GABRR2: variants seen among roughly 807,000 people sequenced by gnomAD.
GABRR2 encodes the protein gamma-aminobutyric acid type A receptor subunit rho2.
A neutral mutation model predicts 47.0 loss-of-function variants in GABRR2; 36 were observed. The observed-to-expected ratio is 0.77, with a 90% CI of 0.59 to 1.01. The LOEUF (loss-of-function observed/expected upper bound fraction) is 1.01. GABRR2 is among the 50% of genes least tolerant of loss of function. GABRR2 has a pLI of 0.00. For synonymous variants in GABRR2, 204 were observed against 227.5 expected (o/e 0.90, Z 0.93); for missense variants, 587 against 594.6 (o/e 0.99, Z 0.13).
intron 6 of GABRR2, 89 bp from the exon 7 acceptor site, chr6:89,265,854 C>T (rs1773883772): frequency 8.5e-6 from 11 of 1,296,478 alleles, no homozygotes; most frequent in African/African-American, 1.5e-5. Flanking sequence ...ACTGACTTGG[C>T]TCTCCTCAGC....
rs550159187 is a variant in GABRR2 at position 89,268,703 on chromosome 6, T to A, written c.512+308A>T. Reference sequence around the variant, plus strand: ...TCTATTTTTTTAAAAGCTTTTTTTTTAATCTTTATTATCAATCAACTAGAA... The same window carrying A: ...TCTATTTTTTTAAAAGCTTTTTTTTAAATCTTTATTATCAATCAACTAGAA... On this transcript the variant is annotated intron_variant, in intron 4 of 8. Coordinates refer to ENST00000402938, the MANE Select transcript of GABRR2 (RefSeq NM_002043.5). 3.4e-4 allele frequency among the ~76,000 whole-genome samples: 51 copies of A among 152,170 alleles called. No homozygotes were observed. The East Asian group carries it at 6.4e-3, about 19-fold the overall frequency.
intron 2 of GABRR2, among the ~76,000 whole-genome samples, chr6:89,294,398 G>C (rs144640500): frequency 0.055 from 8,332 of 152,042 alleles, 735 homozygotes; most frequent in African/African-American, 0.19. Flanking sequence ...CACCCACCTT[G>C]ACCTCCCAAA....
intron 3 of GABRR2, chr6:89,269,500 C>T (rs749372252): frequency 1.4e-5 from 7 of 504,156 alleles, no homozygotes; most frequent in Non-Finnish European, 2.2e-5. Context: ...ATGCTCGCAG[C>T]CTGGCCTGGT....
intron 1 of GABRR2, among the ~76,000 whole-genome samples, chr6:89,307,644 T>A (rs1027848601): frequency 2.0e-5 from 3 of 152,200 alleles, no homozygotes; most frequent in African/African-American, 7.2e-5. Context: ...TAGTAGCAAG[T>A]GAGAAACTGC....
chr6:89,300,596 C>T, intron 1 of GABRR2, among the ~76,000 whole-genome samples: 1 of 151,942 alleles, frequency 6.6e-6, no homozygotes, highest in Non-Finnish European at 1.5e-5. Context: ...TCTGTGTACA[C>T]AAACTAGAAA....
At position 89,257,667 on chromosome 6, in the gene GABRR2, C is replaced by G. The variant is rs894852881; in HGVS notation, c.*3G>C. 2.5e-6 allele frequency: 4 copies of G among 1,606,516 alleles called. No homozygotes were observed. The Admixed American group carries it at 5.1e-5, about 20-fold the overall frequency. Reference sequence around the variant, plus strand: ...CCCTCTTCTAGGAACAGCCTTGGAGCCCCTAGGAAAACACTGACCAATAAA... The same window carrying G: ...CCCTCTTCTAGGAACAGCCTTGGAGGCCCTAGGAAAACACTGACCAATAAA... On this transcript the variant is annotated 3_prime_UTR_variant, in exon 9 of 9. Coordinates refer to ENST00000402938, the MANE Select transcript of GABRR2 (RefSeq NM_002043.5).
intron 2 of GABRR2, among the ~76,000 whole-genome samples, chr6:89,273,788 T>C (rs1582446025): frequency 1.3e-5 from 2 of 152,158 alleles, no homozygotes; most frequent in Admixed American, 1.3e-4. Flanking sequence ...GTCTGAGGTG[T>C]TAAAATGGCC....
intron 1 of GABRR2, among the ~76,000 whole-genome samples, chr6:89,300,158 G>T (rs1774641679): frequency 6.6e-6 from 1 of 152,132 alleles, no homozygotes; most frequent in Admixed American, 6.5e-5. Context: ...GGTTGGATTG[G>T]CTGCTAGCTA....
At chr6:89,263,608 T>C (rs56176928) in intron 8 of GABRR2, among the ~76,000 whole-genome samples, 18,630 of 152,232 alleles carry the variant, frequency 0.12, 1,209 homozygotes, top group Middle Eastern at 0.14. Context: ...CTGTAACCTC[T>C]GCCTCCCGGG....
chr6:89,288,383 G>A (rs1472476889), intron 2 of GABRR2, among the ~76,000 whole-genome samples: 10 of 152,162 alleles, frequency 6.6e-5, no homozygotes, highest in Non-Finnish European at 4.4e-5. Context: ...ATGCCAGGAT[G>A]CCTGAGGAGC....
chr6:89,306,890 G>C (rs1372383735), intron 1 of GABRR2, among the ~76,000 whole-genome samples: 2 of 151,732 alleles, frequency 1.3e-5, no homozygotes, highest in African/African-American at 4.8e-5. Context: ...ACACAGCCAG[G>C]CTAATCCACA....
At chr6:89,313,238 G>T (rs1250885193) in intron 1 of GABRR2, among the ~76,000 whole-genome samples, 2 of 152,178 alleles carry the variant, frequency 1.3e-5, no homozygotes, top group African/African-American at 4.8e-5. Context: ...CATGGAGTAG[G>T]AATCCCACAA....
chr6:89,268,031 G>C lies in GABRR2; in HGVS notation c.578C>G (p.Ser193Cys). 1 of 1,611,890 alleles carries C rather than the reference G, an allele frequency of 6.2e-7. No homozygotes were observed. The highest frequency in any genetic ancestry group is 8.5e-7 in the Non-Finnish European group (1 of 1,178,808). Residue 193 changes from serine (S) to cysteine (C), a missense_variant, in exon 5 of 9, where the codon TCT becomes TGT. Ser to Cys is a moderately radical substitution (Grantham distance 112, BLOSUM62 -1). Coordinates refer to ENST00000402938, the MANE Select transcript of GABRR2 (RefSeq NM_002043.5). ...SHFPLDSQTCSLELESYAYTD... is the reference protein window; with the variant it reads ...SHFPLDSQTCCLELESYAYTD... ...ATACTTACAGCTCTCCAGCTCCAAA[G>C]AACAGGTCTGGGAGTCCAGGGGAAA...
intron 6 of GABRR2, among the ~76,000 whole-genome samples, chr6:89,267,238 A>C (rs1773919329): frequency 6.6e-6 from 1 of 152,048 alleles, no homozygotes; most frequent in South Asian, 2.1e-4. Flanking sequence ...GGTAGGTAGA[A>C]GCCAGAACCT....
At chr6:89,280,364 A>T (rs1424571245) in intron 2 of GABRR2, among the ~76,000 whole-genome samples, 1 of 151,628 alleles carries the variant, frequency 6.6e-6, no homozygotes, top group Non-Finnish European at 1.5e-5. Flanking sequence ...TTACTCCCAT[A>T]CTTCCCTCAG....
At chr6:89,311,372 A>G (rs1038528587) in intron 1 of GABRR2, among the ~76,000 whole-genome samples, 6 of 152,140 alleles carry the variant, frequency 3.9e-5, no homozygotes, top group Non-Finnish European at 7.4e-5. Context: ...AGAGATTTAA[A>G]TCCCACTGCC....
At position 89,256,070 on chromosome 6, in the gene GABRR2, C is replaced by T. The variant is rs1479631191; in HGVS notation, c.*1600G>A. 6.6e-6 allele frequency among the ~76,000 whole-genome samples: 1 copy of T among 151,112 alleles called. No homozygotes were observed. Among genetic ancestry groups the T allele is most frequent in the Non-Finnish European group, 1.5e-5 (1 of 67,900 alleles). ...GAACCCCAGGCACACACCACCACACCTGGCTAATATTTTTAATTTTTACTA... is the reference window on the plus strand; with the variant it reads ...GAACCCCAGGCACACACCACCACACTTGGCTAATATTTTTAATTTTTACTA... On this transcript the variant is annotated 3_prime_UTR_variant, in exon 9 of 9. Transcript: ENST00000402938.
intron 2 of GABRR2, among the ~76,000 whole-genome samples, chr6:89,272,116 A>C (rs974509507): frequency 1.3e-5 from 2 of 152,220 alleles, no homozygotes; most frequent in African/African-American, 4.8e-5. Context: ...GCCTAAAAGC[A>C]TCCAGCTCTG....
intron 1 of GABRR2, chr6:89,303,060 G>A: frequency 1.1e-6 from 1 of 929,928 alleles, no homozygotes; most frequent in Non-Finnish European, 1.6e-6. Flanking sequence ...CCCAGGAGGA[G>A]GGTGAGATGT....
Sources: allele counts gnomAD v4.1 joint callset (sites outside exome capture counted in the v4.1 genomes callset), GRCh38; gene constraint gnomAD v4.1.1; transcripts MANE v1.5; gene names NCBI Gene and HGNC (gene_info 2026-07-23, HGNC 2026-07-21).